The following GRM7 variants were observed in gnomAD, a reference collection of about 807,000 sequenced individuals.
GRM7 encodes the protein glutamate metabotropic receptor 7.
In GRM7, 35 loss-of-function variants were observed where a neutral mutation model predicts 84.5. The ratio of observed to expected loss-of-function variants is 0.41; its 90% CI spans 0.32 to 0.55. The LOEUF (loss-of-function observed/expected upper bound fraction) is 0.55, where lower values mean the gene tolerates loss of function less well. Ranked by LOEUF, GRM7 falls within the 20% of genes least tolerant of loss-of-function variation. GRM7 has a pLI of 0.19. For synonymous variants in GRM7, 487 were observed against 455.1 expected, an observed-to-expected ratio of 1.07 and a Z score of -0.89; for missense variants, 1,003 against 1,194.6, an observed-to-expected ratio of 0.84 and a Z score of 2.36.
chr3:6,952,463 A>G (rs1692825781), intron 1 of GRM7, among the ~76,000 whole-genome samples: 1 of 152,272 alleles, frequency 6.6e-6, no homozygotes. Context: ...TATTTCTGGT[A>G]TTCTGTCCTA....
chr3:7,242,848 G>A (rs929101483), intron 2 of GRM7, among the ~76,000 whole-genome samples: 5 of 152,110 alleles, frequency 3.3e-5, no homozygotes, highest in East Asian at 1.9e-4. Flanking sequence ...TTGACAGCCC[G>A]TTTCCCCTCC....
chr3:6,987,321 A>G (rs746738491), intron 1 of GRM7, among the ~76,000 whole-genome samples: 2 of 152,146 alleles, frequency 1.3e-5, no homozygotes, highest in Non-Finnish European at 1.5e-5. Context: ...AGAGCACCTA[A>G]CATTCTTGTG....
At chr3:6,919,864 A>C (rs1361117939) in intron 1 of GRM7, among the ~76,000 whole-genome samples, 2 of 152,180 alleles carry the variant, frequency 1.3e-5, no homozygotes, top group Admixed American at 1.3e-4. Context: ...TTCATACAGG[A>C]ATGTGCCTGT....
intron 4 of GRM7, among the ~76,000 whole-genome samples, chr3:7,360,452 T>A (rs1340095677): frequency 6.6e-6 from 1 of 152,010 alleles, no homozygotes; most frequent in Non-Finnish European, 1.5e-5. Context: ...ATAATTGGGG[T>A]TACCATAACA....
intron 8 of GRM7, among the ~76,000 whole-genome samples, chr3:7,669,413 A>G (rs1180223940): frequency 1.3e-5 from 2 of 152,190 alleles, no homozygotes; most frequent in Non-Finnish European, 2.9e-5. Flanking sequence ...AGCATGGCTC[A>G]TTTTAGAGAT....
intron 7 of GRM7, among the ~76,000 whole-genome samples, chr3:7,462,619 C>T (rs1698296964): frequency 6.6e-6 from 1 of 152,198 alleles, no homozygotes; most frequent in African/African-American, 2.4e-5. Flanking sequence ...GTGTGGGAAG[C>T]AAATCCATTT....
chr3:7,383,808 A>C (rs1178730507), intron 4 of GRM7, among the ~76,000 whole-genome samples: 1 of 152,148 alleles, frequency 6.6e-6, no homozygotes, highest in Admixed American at 6.5e-5. Flanking sequence ...GGGTATATGA[A>C]ATCTATCTAA....
At chr3:7,672,601 C>CTTT (rs773468950) in intron 8 of GRM7, among the ~76,000 whole-genome samples, 7 of 116,986 alleles carry the variant, frequency 6.0e-5, no homozygotes, top group African/African-American at 9.8e-5. Flanking sequence ...TTTTAATATA[C>CTTT]TTTTTTTTTT....
intron 5 of GRM7, among the ~76,000 whole-genome samples, chr3:7,420,970 A>T (rs1696369277): frequency 1.3e-5 from 2 of 152,138 alleles, no homozygotes; most frequent in South Asian, 2.1e-4. Flanking sequence ...ACCTCTTTAA[A>T]TCCTTTTTGG....
At chr3:7,500,921 G>A (rs1356835816) in intron 7 of GRM7, among the ~76,000 whole-genome samples, 4 of 152,210 alleles carry the variant, frequency 2.6e-5, no homozygotes, top group Non-Finnish European at 2.9e-5. Context: ...ACATCATGAA[G>A]CAGTTGTCCT....
chr3:7,389,685 T>C (rs2125139341), intron 4 of GRM7, among the ~76,000 whole-genome samples: 1 of 152,182 alleles, frequency 6.6e-6, no homozygotes, highest in Non-Finnish European at 1.5e-5. Flanking sequence ...ACCCCTACTG[T>C]TTTTGTTTTA....
rs1035935884 is a variant in GRM7, at chr3:6,964,515, C to T, written c.519+102608C>T. On this transcript the variant is annotated intron_variant, in intron 1 of 9. Transcript: ENST00000357716. ...GACTTGTCCTACTTCTCAGACATAT[C>T]CAGTCCCTTCTTTGCTCACTCTACT... Among the ~76,000 whole-genome samples the T allele has an allele frequency of 4.6e-5, 7 of 152,254 alleles. No individual in the cohort carries two copies. In the South Asian group the frequency reaches 6.2e-4, roughly 14 times the overall value.
At chr3:7,480,468 G>T (rs1699085283) in intron 7 of GRM7, among the ~76,000 whole-genome samples, 1 of 152,184 alleles carries the variant, frequency 6.6e-6, no homozygotes, top group African/African-American at 2.4e-5. Context: ...CTGTGTTAAA[G>T]TTGACTGAAG....
chr3:7,556,606 C>T (rs1483034529), intron 7 of GRM7, among the ~76,000 whole-genome samples: 1 of 152,134 alleles, frequency 6.6e-6, no homozygotes, highest in Non-Finnish European at 1.5e-5. Context: ...CTGATGAGGA[C>T]TCAACTGGTG....
intron 2 of GRM7, among the ~76,000 whole-genome samples, chr3:7,273,042 G>A (rs975698330): frequency 1.3e-5 from 2 of 151,634 alleles, no homozygotes; most frequent in Non-Finnish European, 2.9e-5. Context: ...GATAAGTTGT[G>A]TTTTCATTTT....
intron 8 of GRM7, among the ~76,000 whole-genome samples, chr3:7,626,924 C>CT (rs34233877): frequency 0.14 from 19,926 of 143,420 alleles, 1,474 homozygotes; most frequent in Non-Finnish European, 0.17. Flanking sequence ...ATGAGCACCT[C>CT]TTTTTTTTTT....
At chr3:6,972,015 T>A (rs1183821381) in intron 1 of GRM7, among the ~76,000 whole-genome samples, 6 of 152,230 alleles carry the variant, frequency 3.9e-5, no homozygotes, top group Non-Finnish European at 2.9e-5. Context: ...CTTTATAATG[T>A]ATCTAACTTA....
chr3:7,715,771 A>G lies in GRM7; in HGVS notation c.2699-24586A>G, dbSNP rs190016618. On this transcript the variant is annotated intron_variant, in intron 9 of 9. Transcript: ENST00000357716. ...TCACATATGAACACTCCACTCATGT[A>G]TCTGGCATACACAGAGAGAAATAAG... Among the ~76,000 whole-genome samples, 428 of 152,306 alleles carry G rather than the reference A, an allele frequency of 2.8e-3. 7 individuals are homozygous for G. The highest frequency in any genetic ancestry group is 0.02 in the Middle Eastern group (6 of 294).
rs531969913 is a variant in GRM7 at position 7,060,531 on chromosome 3, T to C, written c.520-85921T>C. Among the ~76,000 whole-genome samples the C allele has an allele frequency of 7.9e-5, 12 of 151,790 alleles. No individual in the cohort carries two copies. The South Asian group carries it at 1.5e-3, about 18-fold the overall frequency. On this transcript the variant is annotated intron_variant, in intron 1 of 9. Transcript: ENST00000357716. ...GCTATGGGGATACCAATCTATACAG[T>C]AGAAGGAAACACTGGGGAAGAGAGC...
Sources: allele counts gnomAD v4.1 joint callset (sites outside exome capture counted in the v4.1 genomes callset), GRCh38; gene constraint gnomAD v4.1.1; transcripts MANE v1.5; gene names NCBI Gene and HGNC (gene_info 2026-07-23, HGNC 2026-07-21).